The following ADGRL3 variants were observed in gnomAD, a reference collection of about 807,000 sequenced individuals.
ADGRL3 encodes the protein calcium-independent alpha-latrotoxin receptor 3.
Under a neutral mutation model 153.5 loss-of-function variants are expected in ADGRL3, and 62 were observed. That is an observed-to-expected ratio of 0.40 (90% CI 0.33 to 0.50). The LOEUF (loss-of-function observed/expected upper bound fraction) is 0.50. ADGRL3 is among the 20% of genes least tolerant of loss of function. The probability of loss-of-function intolerance (pLI) is 0.47; values close to 1 mark genes in which losing one functional copy is unlikely to be tolerated. For synonymous variants in ADGRL3, 710 were observed against 672.5 expected, an observed-to-expected ratio of 1.06 and a Z score of -0.86; for missense variants, 1,641 against 1,859.4, an observed-to-expected ratio of 0.88 and a Z score of 2.16.
chr4:61,403,201 C>T (rs960129519), intron 2 of ADGRL3, among the ~76,000 whole-genome samples: 1 of 152,038 alleles, frequency 6.6e-6, no homozygotes, highest in African/African-American at 2.4e-5. Context: ...GCTCCTAAAA[C>T]CCTTAGAATC....
intron 9 of ADGRL3, among the ~76,000 whole-genome samples, chr4:61,820,149 A>G (rs1186414220): frequency 6.6e-6 from 1 of 152,194 alleles, no homozygotes; most frequent in East Asian, 1.9e-4. Flanking sequence ...AATCAAAAGG[A>G]AAATATAGTA....
At chr4:61,331,711 C>G (rs1157979805) in intron 1 of ADGRL3, among the ~76,000 whole-genome samples, 11 of 151,976 alleles carry the variant, frequency 7.2e-5, no homozygotes, top group Admixed American at 7.2e-4. Flanking sequence ...AAAGAATACA[C>G]ATTTTAAGAC....
chr4:61,381,590 C>A (rs2096669571), intron 1 of ADGRL3, among the ~76,000 whole-genome samples: 1 of 151,632 alleles, frequency 6.6e-6, no homozygotes, highest in African/African-American at 2.4e-5. Context: ...TGAAATTAGT[C>A]ATGCTTGGAT....
chr4:61,702,182 T>C (rs2095777337), intron 6 of ADGRL3, among the ~76,000 whole-genome samples: 1 of 152,188 alleles, frequency 6.6e-6, no homozygotes, highest in Non-Finnish European at 1.5e-5. Flanking sequence ...CTCCAGTTCC[T>C]TTTTTCATGC....
intron 4 of ADGRL3, among the ~76,000 whole-genome samples, chr4:61,524,594 TACTA>T (rs1293199479): frequency 7.9e-5 from 12 of 152,172 alleles, no homozygotes; most frequent in African/African-American, 2.6e-4. Context: ...CTTTACTGTT[TACTA>T]ACTATCTTAC....
chr4:61,469,916 A>G (rs2097924575), intron 2 of ADGRL3, among the ~76,000 whole-genome samples: 1 of 151,732 alleles, frequency 6.6e-6, no homozygotes, highest in Admixed American at 6.6e-5. Flanking sequence ...TATTATATTT[A>G]GTTTGTTTTA....
intron 2 of ADGRL3, among the ~76,000 whole-genome samples, chr4:61,434,949 G>A (rs2097426202): frequency 6.6e-6 from 1 of 151,994 alleles, no homozygotes; most frequent in East Asian, 1.9e-4. Context: ...TTGTATGGCA[G>A]GATGGCCACT....
chr4:61,951,049 A>C (rs1395547267), intron 17 of ADGRL3, among the ~76,000 whole-genome samples: 2 of 152,076 alleles, frequency 1.3e-5, no homozygotes, highest in African/African-American at 2.4e-5. Context: ...CATAATATAA[A>C]ATTTTATTTT....
chr4:61,475,623 A>T (rs1185321271), intron 2 of ADGRL3, among the ~76,000 whole-genome samples: 1 of 152,034 alleles, frequency 6.6e-6, no homozygotes, highest in African/African-American at 2.4e-5. Flanking sequence ...AATATATCTT[A>T]CATTTTCTTT....
chr4:61,869,961 AGAG>A (rs1399439651), intron 9 of ADGRL3, among the ~76,000 whole-genome samples: 507 of 93,386 alleles, frequency 5.4e-3, no homozygotes, highest in Non-Finnish European at 7.8e-3. Flanking sequence ...AAAAAAAAAA[AGAG>A]AGAGAGAGAG....
At chr4:61,774,623 C>T (rs775371419) in intron 8 of ADGRL3, among the ~76,000 whole-genome samples, 1 of 151,574 alleles carries the variant, frequency 6.6e-6, no homozygotes, top group Non-Finnish European at 1.5e-5. Context: ...GATCAGGAAC[C>T]AATACTATGT....
intron 25 of ADGRL3, among the ~76,000 whole-genome samples, chr4:62,058,715 G>A (rs1738428443): frequency 6.6e-6 from 1 of 152,128 alleles, no homozygotes; most frequent in African/African-American, 2.4e-5. Flanking sequence ...AACAGTGACA[G>A]ATGGTCTGTA....
chr4:61,633,411 G>A (rs1160597568), intron 5 of ADGRL3, among the ~76,000 whole-genome samples: 5 of 20,756 alleles, frequency 2.4e-4, no homozygotes, highest in African/African-American at 1.0e-4. Flanking sequence ...TACATAGTGG[G>A]TGTTGGAGCT....
intron 21 of ADGRL3, among the ~76,000 whole-genome samples, chr4:62,006,777 A>G (rs2099160872): frequency 6.6e-6 from 1 of 152,130 alleles, no homozygotes; most frequent in Non-Finnish European, 1.5e-5. Flanking sequence ...TGAAAATGGC[A>G]TAAAGATAGA....
At chr4:62,046,457 T>C (rs552222923) in intron 25 of ADGRL3, among the ~76,000 whole-genome samples, 2 of 152,052 alleles carry the variant, frequency 1.3e-5, no homozygotes, top group East Asian at 3.9e-4. Flanking sequence ...ACTTTGAATA[T>C]AGTGATTTGT....
intron 2 of ADGRL3, among the ~76,000 whole-genome samples, chr4:61,439,362 G>T (rs1391942730): frequency 8.5e-5 from 13 of 152,118 alleles, no homozygotes; most frequent in Non-Finnish European, 2.9e-5. Flanking sequence ...TCAAGATATG[G>T]TTTCAAGTAA....
At chr4:61,402,591 C>G (rs1353615636) in intron 2 of ADGRL3, among the ~76,000 whole-genome samples, 1 of 152,028 alleles carries the variant, frequency 6.6e-6, no homozygotes, top group Non-Finnish European at 1.5e-5. Flanking sequence ...GAATAATACA[C>G]CAGAATCTCT....
chr4:61,951,414 C>G (rs1009048433), intron 17 of ADGRL3, among the ~76,000 whole-genome samples: 6 of 152,238 alleles, frequency 3.9e-5, no homozygotes, highest in African/African-American at 1.4e-4. Context: ...TCCAGGGTCT[C>G]AGGGTATACC....
chr4:61,974,473 A>T (rs1245317727), intron 17 of ADGRL3, among the ~76,000 whole-genome samples: 1 of 152,162 alleles, frequency 6.6e-6, no homozygotes, highest in African/African-American at 2.4e-5. Context: ...GCTTTTTATT[A>T]AACGAAAATT....
Sources: gnomAD v4.1 joint callset for allele counts (sites outside exome capture counted in the v4.1 genomes callset) on GRCh38, gnomAD v4.1.1 for gene constraint, MANE v1.5 for transcripts, NCBI Gene and HGNC (gene_info 2026-07-23, HGNC 2026-07-21) for gene names.